Variants in ADARB2 observed in about 807,000 individuals in gnomAD.
The protein encoded by ADARB2 is inactive double-stranded RNA-specific editase B2.
In ADARB2, 25 loss-of-function variants were observed where a neutral mutation model predicts 62.2. That is an observed-to-expected ratio of 0.40 (90% CI 0.29 to 0.56). ADARB2 has a LOEUF of 0.56. ADARB2 is among the 20% of genes least tolerant of loss of function. The probability of loss-of-function intolerance (pLI) is 0.43; values close to 1 mark genes in which losing one functional copy is unlikely to be tolerated. For synonymous variants in ADARB2, 572 were observed against 500.8 expected (o/e 1.14, Z -1.90); for missense variants, 1,071 against 1,077.4 (o/e 0.99, Z 0.08).
intron 1 of ADARB2, among the ~76,000 whole-genome samples, chr10:1,649,257 C>T (rs558555586): frequency 6.6e-6 from 1 of 152,282 alleles, no homozygotes; most frequent in South Asian, 2.1e-4. Context: ...TAGTCATGTA[C>T]TTGTACTTGG....
chr10:1,607,683 C>T (rs547434126), intron 1 of ADARB2, among the ~76,000 whole-genome samples: 7 of 152,306 alleles, frequency 4.6e-5, no homozygotes, highest in Non-Finnish European at 8.8e-5. Flanking sequence ...GGACCCTGCC[C>T]GCAGCGACAT....
chr10:1,645,177 G>C (rs896668006), intron 1 of ADARB2, among the ~76,000 whole-genome samples: 1 of 152,362 alleles, frequency 6.6e-6, no homozygotes, highest in East Asian at 1.9e-4. Context: ...AAGGTTCTGA[G>C]CACTTAAGAC....
In ADARB2 at chr10:1,287,009, T is replaced by C. The variant is rs763185939; in HGVS notation, c.1078-15940A>G. ...CCTCATCCTTCAAATTAAAGTAACC[T>C]GTTTAAAGGGTACATTTTGATACAA... On this transcript the variant is annotated intron_variant, in intron 3 of 9. Transcript: ENST00000381312. Among the ~76,000 whole-genome samples the C allele has an allele frequency of 4.6e-5, 7 of 152,286 alleles. 1 individual carries two copies. Among genetic ancestry groups the C allele is most frequent in the Middle Eastern group, 6.8e-3 (2 of 294 alleles).
At chr10:1,471,537 T>C (rs969814257) in intron 1 of ADARB2, among the ~76,000 whole-genome samples, 2 of 152,150 alleles carry the variant, frequency 1.3e-5, no homozygotes, top group African/African-American at 2.4e-5. Context: ...ATTACAGGCA[T>C]ACGCCACCAT....
chr10:1,364,097 G>A (rs1245229844), intron 2 of ADARB2, among the ~76,000 whole-genome samples, 180 bp from the exon 3 acceptor site: 5 of 152,338 alleles, frequency 3.3e-5, no homozygotes, highest in East Asian at 1.9e-4. Context: ...TGGCCCATGC[G>A]GGGAAGTAGC....
intron 7 of ADARB2, chr10:1,200,456 T>TA (rs1164860149): frequency 4.2e-6 from 2 of 476,112 alleles, no homozygotes; most frequent in African/African-American, 4.0e-5. Flanking sequence ...TTTAAAAAGA[T>TA]ACTCTGTCCC....
At chr10:1,429,798 C>T (rs891173329) in intron 1 of ADARB2, among the ~76,000 whole-genome samples, 1 of 152,166 alleles carries the variant, frequency 6.6e-6, no homozygotes, top group East Asian at 1.9e-4. Flanking sequence ...CCTTATCTAA[C>T]TGCTTTTTTC....
chr10:1,384,950 A>T lies in ADARB2; in HGVS notation c.101-5790T>A, dbSNP rs1009737877. On this transcript the variant is annotated intron_variant, in intron 1 of 9. Transcript: ENST00000381312. Reference sequence around the variant, plus strand: ...AAAGTCTGGCATTCTGATCAGGCGGAGTCATAGATCACTGAAGAGCTAGGA... The same window carrying T: ...AAAGTCTGGCATTCTGATCAGGCGGTGTCATAGATCACTGAAGAGCTAGGA... Among the ~76,000 whole-genome samples the T allele has an allele frequency of 7.9e-5, 12 of 152,190 alleles. 1 individual carries two copies. The East Asian group carries it at 2.3e-3, about 29-fold the overall frequency.
chr10:1,260,270 C>G (rs1427085546), intron 4 of ADARB2, among the ~76,000 whole-genome samples: 2 of 152,162 alleles, frequency 1.3e-5, no homozygotes, highest in African/African-American at 4.8e-5. Flanking sequence ...CTCACCACTC[C>G]TATTCAACAT....
chr10:1,661,480 G>GTTTTTTTACTTTTTTACT (rs1218800699), intron 1 of ADARB2, among the ~76,000 whole-genome samples: 1 of 152,158 alleles, frequency 6.6e-6, no homozygotes, highest in Admixed American at 6.5e-5. Flanking sequence ...TTCCTTCATG[G>GTTTTTTTACTTTTTTACT]TCTTTATTTT....
chr10:1,632,187 A>G (rs1833851845), intron 1 of ADARB2, among the ~76,000 whole-genome samples: 1 of 152,240 alleles, frequency 6.6e-6, no homozygotes, highest in Non-Finnish European at 1.5e-5. Flanking sequence ...GAAAAACAAC[A>G]TAGATCTTAA....
At chr10:1,449,376 C>T (rs369242821) in intron 1 of ADARB2, among the ~76,000 whole-genome samples, 35 of 152,344 alleles carry the variant, frequency 2.3e-4, no homozygotes, top group African/African-American at 7.9e-4. Flanking sequence ...CAGCTGCCCC[C>T]TCCACTGTGC....
At chr10:1,312,689 A>T (rs1831703501) in intron 3 of ADARB2, among the ~76,000 whole-genome samples, 1 of 152,186 alleles carries the variant, frequency 6.6e-6, no homozygotes, top group Non-Finnish European at 1.5e-5. Context: ...CAGGGAGGTG[A>T]GGCACCTGCC....
chr10:1,511,139 G>A (rs1421223804), intron 1 of ADARB2, among the ~76,000 whole-genome samples: 1 of 152,190 alleles, frequency 6.6e-6, no homozygotes, highest in Non-Finnish European at 1.5e-5. Context: ...CACCGGGCCT[G>A]GCTCCTGTTC....
chr10:1,415,133 G>C (rs1242678859), intron 1 of ADARB2, among the ~76,000 whole-genome samples: 1 of 151,668 alleles, frequency 6.6e-6, no homozygotes, highest in Non-Finnish European at 1.5e-5. Context: ...ATGATGGGTA[G>C]ATGGGTGGAT....
chr10:1,531,639 C>A (rs1432603402), intron 1 of ADARB2, among the ~76,000 whole-genome samples: 1 of 152,154 alleles, frequency 6.6e-6, no homozygotes, highest in Non-Finnish European at 1.5e-5. Flanking sequence ...GAGTTTGAGA[C>A]CATCCTGGCC....
At chr10:1,313,023 G>A (rs7914830) in intron 3 of ADARB2, among the ~76,000 whole-genome samples, 34,757 of 152,206 alleles carry the variant, frequency 0.23, 4,828 homozygotes, top group Middle Eastern at 0.37. Flanking sequence ...AGGCCAGAAC[G>A]TCATTTGGAA....
chr10:1,200,182 C>G, intron 7 of ADARB2, 35 bp from the exon 8 acceptor site: 3 of 1,550,308 alleles, frequency 1.9e-6, no homozygotes, highest in Non-Finnish European at 2.6e-6. Flanking sequence ...GGAGCCCCAC[C>G]CAGGAGCCCA....
chr10:1,686,513 G>A (rs1302167037), intron 1 of ADARB2, among the ~76,000 whole-genome samples: 1 of 152,222 alleles, frequency 6.6e-6, no homozygotes, highest in African/African-American at 2.4e-5. Context: ...AAACAAGGCT[G>A]TGGATTGCTG....
Sources: allele counts gnomAD v4.1 joint callset (sites outside exome capture counted in the v4.1 genomes callset), GRCh38; gene constraint gnomAD v4.1.1; transcripts MANE v1.5; gene names NCBI Gene and HGNC (gene_info 2026-07-23, HGNC 2026-07-21).